MCCC2: variants seen among roughly 807,000 people sequenced by gnomAD.
MCCC2 encodes the protein methylcrotonyl-CoA carboxylase subunit 2.
In MCCC2, 52 loss-of-function variants were observed where a neutral mutation model predicts 77.2. That is an observed-to-expected ratio of 0.67 (90% CI 0.54 to 0.85). MCCC2 has a LOEUF of 0.85. Ranked by LOEUF, MCCC2 falls within the 40% of genes least tolerant of loss-of-function variation. MCCC2 has a pLI of 0.00. For synonymous variants in MCCC2, 253 were observed against 248.4 expected (o/e 1.02, Z -0.18); for missense variants, 682 against 703.2 (o/e 0.97, Z 0.34).
intron 10 of MCCC2, among the ~76,000 whole-genome samples, chr5:71,639,951 C>T (rs529771225): frequency 6.6e-6 from 1 of 152,256 alleles, no homozygotes; most frequent in African/African-American, 2.4e-5. Flanking sequence ...TCATACAAAA[C>T]AAGATTTTGA....
At position 71,599,732 on chromosome 5, in the gene MCCC2, A is replaced by T; in HGVS notation, c.355A>T (p.Ile119Phe). The change falls in exon 4 of 17, where the codon ATT becomes TTT. Residue 119 changes from isoleucine to phenylalanine, a missense_variant. Transcript: ENST00000340941. ...CAATGAGGAGGTGCCAGGAGGTGGCATTATTACAGGCATTGGAAGAGTATC... is the reference window on the plus strand; with the variant it reads ...CAATGAGGAGGTGCCAGGAGGTGGCTTTATTACAGGCATTGGAAGAGTATC... ...YDNEEVPGGGIITGIGRVSGV... is the reference protein window; with the variant it reads ...YDNEEVPGGGFITGIGRVSGV... The T allele has an allele frequency of 1.2e-6, 2 of 1,614,100 alleles. No homozygotes were observed. Among genetic ancestry groups the T allele is most frequent in the Non-Finnish European group, 1.7e-6 (2 of 1,179,918 alleles).
Position 71,587,525 on chromosome 5 carries a change from C to T in MCCC2, c.100C>T (p.Gln34Ter), listed in dbSNP as rs1413464990. ...GGACTCGGTGGCCTCGCTGGGCACCCAGCCGGACTTGGGCTCTGCCCTCTA... is the reference window on the plus strand; with the variant it reads ...GGACTCGGTGGCCTCGCTGGGCACCTAGCCGGACTTGGGCTCTGCCCTCTA... ...HGDSVASLGT[Q>*]PDLGSALYQE... Residue 34 changes from glutamine (Q) to a stop codon, truncating the protein, a stop_gained, in exon 1 of 17, where the codon CAG becomes TAG. Transcript: ENST00000340941. LOFTEE classifies it high-confidence loss of function. 2.0e-6 allele frequency: 3 copies of T among 1,538,148 alleles called. No homozygotes were observed. Among genetic ancestry groups the T allele is most frequent in the Admixed American group, 3.9e-5 (2 of 50,966 alleles).
chr5:71,655,018 G>C (rs1322216984), intron 16 of MCCC2, among the ~76,000 whole-genome samples: 1 of 152,118 alleles, frequency 6.6e-6, no homozygotes, highest in Non-Finnish European at 1.5e-5. Flanking sequence ...ATTTTTAATA[G>C]AGATGGGGTT....
intron 6 of MCCC2, among the ~76,000 whole-genome samples, chr5:71,607,059 C>A (rs1272772519): frequency 1.3e-5 from 2 of 150,862 alleles, no homozygotes; most frequent in East Asian, 2.0e-4. Flanking sequence ...TGTCTCTGCC[C>A]GGCTTTGGTA....
At chr5:71,642,717 G>A (rs1311951016) in intron 11 of MCCC2, among the ~76,000 whole-genome samples, 1 of 152,222 alleles carries the variant, frequency 6.6e-6, no homozygotes, top group Non-Finnish European at 1.5e-5. Flanking sequence ...ACCCCTTTCT[G>A]AATTGCTTCT....
At chr5:71,596,665 G>T (rs1017885784) in intron 3 of MCCC2, among the ~76,000 whole-genome samples, 1 of 152,138 alleles carries the variant, frequency 6.6e-6, no homozygotes, top group African/African-American at 2.4e-5. Context: ...CTTCTGGCTG[G>T]GTGTGGTGGC....
intron 15 of MCCC2, among the ~76,000 whole-genome samples, chr5:71,651,698 T>C (rs1747442341): frequency 6.6e-6 from 1 of 152,210 alleles, no homozygotes; most frequent in Non-Finnish European, 1.5e-5. Context: ...CATTGAGGTT[T>C]CAGATTCACT....
intron 1 of MCCC2, among the ~76,000 whole-genome samples, chr5:71,592,662 A>G (rs939020651): frequency 1.3e-5 from 2 of 152,198 alleles, no homozygotes; most frequent in African/African-American, 2.4e-5. Context: ...GAGATAAAAC[A>G]TGAATTAGGC....
chr5:71,630,877 A>C (rs1211324051), intron 7 of MCCC2, among the ~76,000 whole-genome samples: 2 of 151,918 alleles, frequency 1.3e-5, no homozygotes, highest in Non-Finnish European at 2.9e-5. Context: ...AGCTTTTCTT[A>C]TTTGAGTTGA....
intron 5 of MCCC2, among the ~76,000 whole-genome samples, chr5:71,603,407 G>C (rs175871): frequency 0.44 from 52,492 of 120,558 alleles, 10,463 homozygotes; most frequent in Admixed American, 0.61. Context: ...CAGAGAGAGA[G>C]ACTGTCTCAA....
At chr5:71,619,819 G>A (rs746451462) in intron 6 of MCCC2, among the ~76,000 whole-genome samples, 2 of 151,938 alleles carry the variant, frequency 1.3e-5, no homozygotes, top group African/African-American at 2.4e-5. Context: ...GTGAAATCCC[G>A]TCTCTACTAA....
At position 71,604,465 on chromosome 5, in the gene MCCC2, A is replaced by G; in HGVS notation, c.621A>G (p.Ala207=). 2 of 1,610,424 alleles carry G rather than the reference A, an allele frequency of 1.2e-6. No homozygotes were observed. The highest frequency in any genetic ancestry group is 1.7e-6 in the Non-Finnish European group (2 of 1,176,630). Residue 207 remains alanine (A), a synonymous_variant, in exon 6 of 17, where the codon GCA becomes GCG. Coordinates refer to ENST00000340941, the MANE Select transcript of MCCC2 (RefSeq NM_022132.5). The part of the protein sequence containing the change: ...NQAIMSSKNI[A]QIAVVMGSCT... The stretch of plus-strand genomic sequence containing the variant: ...CAATTATGTCTTCTAAAAATATTGC[A>G]CAGGTAATTTTTCATGAATAAAGTG...
At position 71,657,134 on chromosome 5, in the gene MCCC2, T is replaced by G; in HGVS notation, c.*274T>G. On this transcript the variant is annotated 3_prime_UTR_variant, in exon 17 of 17. Transcript: ENST00000340941. ...GTTATCCTTTCTGACCCACAAAGTATGAAAAGTTCTGTAATCTGTAAACTC... is the reference window on the plus strand; with the variant it reads ...GTTATCCTTTCTGACCCACAAAGTAGGAAAAGTTCTGTAATCTGTAAACTC... The G allele has an allele frequency of 2.5e-6, 1 of 392,450 alleles. No homozygotes were observed. The highest frequency in any genetic ancestry group is 4.8e-6 in the Non-Finnish European group (1 of 209,622). The allele number at this position is 392,450 out of a possible 1,614,324, so 24.3% of individuals were successfully genotyped here. A position where few individuals can be genotyped will look rare whatever the true frequency, so the allele number is the denominator to read the frequency against.
intron 7 of MCCC2, among the ~76,000 whole-genome samples, chr5:71,627,277 A>G (rs1746564744): frequency 6.6e-6 from 1 of 152,218 alleles, no homozygotes; most frequent in Admixed American, 6.5e-5. Context: ...CTCTCAGGCT[A>G]TTATGAATAA....
In MCCC2 at chr5:71,603,415, C is replaced by CA. The variant is rs10538231; in HGVS notation, c.511+806dup. Among the ~76,000 whole-genome samples, 621 of 73,938 alleles carry CA rather than the reference C, an allele frequency of 8.4e-3. 8 individuals are homozygous for CA. The highest frequency in any genetic ancestry group is 0.021 in the African/African-American group (378 of 18,252). 48.5% of individuals were successfully genotyped at this position (73,938 alleles called of 152,430 possible). A position where few individuals can be genotyped will look rare whatever the true frequency, so the allele number is the denominator to read the frequency against. ...TGGGCGACAGAGAGAGAGACTGTCT[C>CA]AAAAAAAAAAAAAAAAAAAAAAAAT... On this transcript the variant is annotated intron_variant, in intron 5 of 16. Transcript: ENST00000340941.
At chr5:71,647,739 C>A (rs1747309568) in intron 13 of MCCC2, among the ~76,000 whole-genome samples, 2 of 152,058 alleles carry the variant, frequency 1.3e-5, no homozygotes, top group African/African-American at 4.8e-5. Context: ...AGATAAGAAC[C>A]CCCCTGAGAG....
At chr5:71,628,678 C>A (rs1746614331) in intron 7 of MCCC2, among the ~76,000 whole-genome samples, 1 of 152,118 alleles carries the variant, frequency 6.6e-6, no homozygotes, top group Admixed American at 6.5e-5. Flanking sequence ...AAAACTTTTA[C>A]TTATTTTTTC....
At chr5:71,625,663 G>T (rs1179772047) in intron 6 of MCCC2, among the ~76,000 whole-genome samples, 1 of 152,168 alleles carries the variant, frequency 6.6e-6, no homozygotes, top group Non-Finnish European at 1.5e-5. Context: ...AATCACTTCT[G>T]TAATATGTTG....
At chr5:71,650,016 A>G in intron 14 of MCCC2, 53 bp from the exon 15 acceptor site, 1 of 1,417,052 alleles carries the variant, frequency 7.1e-7, no homozygotes, top group Admixed American at 1.7e-5. Context: ...GGCCTCTGAA[A>G]ATCTATGTTG....
Sources: allele counts gnomAD v4.1 joint callset (sites outside exome capture counted in the v4.1 genomes callset), GRCh38; gene constraint gnomAD v4.1.1; transcripts MANE v1.5; gene names NCBI Gene and HGNC (gene_info 2026-07-23, HGNC 2026-07-21).